The following RPS6KA5 variants were observed in gnomAD, a reference collection of about 807,000 sequenced individuals.
RPS6KA5 encodes the protein ribosomal protein S6 kinase A5.
In RPS6KA5, 27 loss-of-function variants were observed where a neutral mutation model predicts 85.5. The ratio of observed to expected loss-of-function variants is 0.32; its 90% CI spans 0.23 to 0.44. The LOEUF is 0.44. RPS6KA5 is among the 20% of genes least tolerant of loss of function. The pLI, the probability that RPS6KA5 is intolerant of heterozygous loss-of-function variation, is 1.00. For synonymous variants in RPS6KA5, 334 were observed against 348.2 expected (o/e 0.96, Z 0.46); for missense variants, 811 against 980.9 (o/e 0.83, Z 2.31).
intron 9 of RPS6KA5, among the ~76,000 whole-genome samples, chr14:90,902,215 T>C (rs1447947283): frequency 2.6e-5 from 4 of 151,350 alleles, no homozygotes; most frequent in African/African-American, 4.9e-5. Context: ...CTGGACGTGG[T>C]GGCTCATGCC....
chr14:91,022,558 C>T (rs907018176), intron 1 of RPS6KA5, among the ~76,000 whole-genome samples: 1 of 152,136 alleles, frequency 6.6e-6, no homozygotes, highest in African/African-American at 2.4e-5. Flanking sequence ...CAGGTCCTAC[C>T]TCAGTTTCCT....
intron 3 of RPS6KA5, among the ~76,000 whole-genome samples, chr14:90,949,305 T>C (rs905489403): frequency 1.3e-5 from 2 of 152,248 alleles, no homozygotes; most frequent in African/African-American, 4.8e-5. Context: ...TCTCTTCTTC[T>C]ATGGCCACTC....
At chr14:90,956,439 C>T (rs891017841) in intron 3 of RPS6KA5, among the ~76,000 whole-genome samples, 1 of 152,068 alleles carries the variant, frequency 6.6e-6, no homozygotes, top group African/African-American at 2.4e-5. Context: ...CTTTTGTAAA[C>T]AGCACATAGT....
At chr14:90,882,543 T>C (rs544997471) in intron 14 of RPS6KA5, among the ~76,000 whole-genome samples, 1 of 152,360 alleles carries the variant, frequency 6.6e-6, no homozygotes, top group African/African-American at 2.4e-5. Flanking sequence ...CCTTGAGCAT[T>C]TCTTACAGAG....
At chr14:90,975,096 T>G (rs577771882) in intron 3 of RPS6KA5, among the ~76,000 whole-genome samples, 1 of 152,204 alleles carries the variant, frequency 6.6e-6, no homozygotes, top group Non-Finnish European at 1.5e-5. Flanking sequence ...GTAGTGAAAA[T>G]AAGTTTTTAT....
chr14:91,059,306 C>CTCCA (rs1381263052), intron 1 of RPS6KA5, among the ~76,000 whole-genome samples: 1 of 149,890 alleles, frequency 6.7e-6, no homozygotes, highest in Non-Finnish European at 1.5e-5. Context: ...TGCCACTGCA[C>CTCCA]TCCAGCCTGA....
chr14:90,943,267 A>ATT, intron 4 of RPS6KA5, 82 bp from the exon 5 acceptor site: 2 of 714,054 alleles, frequency 2.8e-6, no homozygotes, highest in Non-Finnish European at 4.4e-6. Flanking sequence ...ACCTTTATTT[A>ATT]TTTATTTTTT....
chr14:90,980,443 T>C (rs777345720), intron 2 of RPS6KA5, among the ~76,000 whole-genome samples: 3 of 152,234 alleles, frequency 2.0e-5, no homozygotes, highest in Non-Finnish European at 4.4e-5. Context: ...GTTCAGCTTC[T>C]TCCTAGTACA....
chr14:90,891,499 T>A (rs2034554280), intron 13 of RPS6KA5, among the ~76,000 whole-genome samples: 1 of 152,200 alleles, frequency 6.6e-6, no homozygotes, highest in Non-Finnish European at 1.5e-5. Flanking sequence ...ATTAAGCTAG[T>A]ACTGAAAGTA....
At chr14:90,882,321 T>C (rs542440973) in intron 14 of RPS6KA5, among the ~76,000 whole-genome samples, 123 of 152,360 alleles carry the variant, frequency 8.1e-4, no homozygotes, top group Middle Eastern at 3.4e-3. Context: ...TACATCTTTA[T>C]ACACTGTGTG....
intron 1 of RPS6KA5, among the ~76,000 whole-genome samples, chr14:91,057,318 C>G (rs77927822): frequency 0.011 from 1,667 of 152,258 alleles, 24 homozygotes; most frequent in African/African-American, 0.034. Context: ...CTAACATCTG[C>G]AAGGCACTGG....
At chr14:90,956,989 A>C (rs1257061256) in intron 3 of RPS6KA5, among the ~76,000 whole-genome samples, 4 of 114,600 alleles carry the variant, frequency 3.5e-5, no homozygotes, top group Middle Eastern at 6.0e-3. Flanking sequence ...TTTTTTTCCC[A>C]GTGAATTCGA....
At chr14:90,959,269 A>C (rs1299509480) in intron 3 of RPS6KA5, among the ~76,000 whole-genome samples, 1 of 152,184 alleles carries the variant, frequency 6.6e-6, no homozygotes, top group Non-Finnish European at 1.5e-5. Flanking sequence ...TGCAGCACAG[A>C]GGCCCTGGCC....
chr14:91,045,953 G>C (rs773570065), intron 1 of RPS6KA5, among the ~76,000 whole-genome samples: 1 of 151,994 alleles, frequency 6.6e-6, no homozygotes, highest in Non-Finnish European at 1.5e-5. Context: ...CCATTGTGTT[G>C]GAAGACCATC....
intron 12 of RPS6KA5, among the ~76,000 whole-genome samples, chr14:90,895,000 A>T (rs544104093): frequency 6.6e-6 from 1 of 152,246 alleles, no homozygotes; most frequent in South Asian, 2.1e-4. Context: ...TTTGAATTCC[A>T]CTCCAACCCT....
intron 5 of RPS6KA5, among the ~76,000 whole-genome samples, chr14:90,936,954 A>T (rs2140335669): frequency 6.6e-6 from 1 of 152,282 alleles, no homozygotes; most frequent in South Asian, 2.1e-4. Flanking sequence ...GAGATAAAAC[A>T]TTCACATATT....
intron 5 of RPS6KA5, among the ~76,000 whole-genome samples, chr14:90,941,484 A>G (rs2037569232): frequency 6.6e-6 from 1 of 152,104 alleles, no homozygotes. Flanking sequence ...CATACCTGTC[A>G]TTTTCTGTAT....
chr14:91,048,702 G>A (rs2042960140), intron 1 of RPS6KA5, among the ~76,000 whole-genome samples: 1 of 152,206 alleles, frequency 6.6e-6, no homozygotes, highest in Non-Finnish European at 1.5e-5. Context: ...GAATGTAGGA[G>A]TGATCATACC....
intron 1 of RPS6KA5, among the ~76,000 whole-genome samples, chr14:91,054,637 G>GAAAAAA (rs764680509): frequency 1.3e-5 from 1 of 79,308 alleles, no homozygotes. Context: ...CTCTGTCTCA[G>GAAAAAA]AAAAAAAAAA....
Sources: gnomAD v4.1 joint callset for allele counts (sites outside exome capture counted in the v4.1 genomes callset) on GRCh38, gnomAD v4.1.1 for gene constraint, MANE v1.5 for transcripts, NCBI Gene and HGNC (gene_info 2026-07-23, HGNC 2026-07-21) for gene names.